Variants in ZNF277 observed in about 807,000 individuals in gnomAD.
ZNF277 encodes nuclear receptor-interacting factor 4.
Under a neutral mutation model 60.7 loss-of-function variants are expected in ZNF277, and 55 were observed. The ratio of observed to expected loss-of-function variants is 0.91; its 90% CI spans 0.73 to 1.13. The LOEUF is 1.13. Ranked by LOEUF, ZNF277 falls within the 50% of genes most tolerant of loss-of-function variation. ZNF277 has a pLI of 0.00. For synonymous variants in ZNF277, 178 were observed against 179.3 expected (o/e 0.99, Z 0.06); for missense variants, 510 against 523.0 (o/e 0.98, Z 0.24).
chr7:112,335,834 GA>G (rs1392431302), intron 7 of ZNF277, among the ~76,000 whole-genome samples: 7 of 152,076 alleles, frequency 4.6e-5, no homozygotes, highest in African/African-American at 1.7e-4. Flanking sequence ...AAAAGAACTT[GA>G]CTGAAAGGAT....
chr7:112,327,774 C>T lies in ZNF277; in HGVS notation c.615C>T (p.Asp205=), dbSNP rs1793132345. The T allele has an allele frequency of 6.2e-7, 1 of 1,612,248 alleles. No homozygotes were observed. Among genetic ancestry groups the T allele is most frequent in the Admixed American group, 1.7e-5 (1 of 59,622 alleles). ...ATGCTTTCAACATTGGATTGCCAGA[C>T]AACATTGTAAACTGCAATGAATTTT... ...REHAFNIGLP[D]NIVNCNEFLC... The change falls in exon 6 of 12, where the codon GAC becomes GAT. Residue 205 remains aspartate, a synonymous_variant. Transcript: ENST00000361822.
At position 112,336,084 on chromosome 7, in the gene ZNF277, C is replaced by T; in HGVS notation, c.802-20C>T. The T allele has an allele frequency of 6.2e-7, 1 of 1,605,114 alleles. No homozygotes were observed. Among genetic ancestry groups the T allele is most frequent in the Admixed American group, 1.7e-5 (1 of 59,214 alleles). The stretch of plus-strand genomic sequence containing the variant: ...TCTCTTTCCCCCAATGTCTCTCATC[C>T]CTCTGTTCTTCCTACAAAGGAACTT... On this transcript the variant is annotated intron_variant, in intron 7 of 11. Coordinates refer to ENST00000361822, the MANE Select transcript of ZNF277 (RefSeq NM_021994.3).
rs1484569736 is a variant in ZNF277, at chr7:112,327,283, T to G, written c.558-434T>G. On this transcript the variant is annotated intron_variant, in intron 5 of 11. Coordinates refer to ENST00000361822, the MANE Select transcript of ZNF277 (RefSeq NM_021994.3). ...AGATTCTCATAAGAAGTACACAACC[T>G]AGATCCCTCGCATGCACAGTTTACA... Among the ~76,000 whole-genome samples the G allele has an allele frequency of 2.0e-5, 3 of 152,212 alleles. No homozygotes were observed. In the East Asian group the frequency reaches 5.8e-4, roughly 29 times the overall value.
intron 4 of ZNF277, among the ~76,000 whole-genome samples, chr7:112,299,615 T>C (rs1030860817): frequency 6.6e-6 from 1 of 152,234 alleles, no homozygotes; most frequent in Admixed American, 6.5e-5. Flanking sequence ...AATTATACTT[T>C]ATCAAACAAT....
intron 1 of ZNF277, among the ~76,000 whole-genome samples, chr7:112,228,997 A>C (rs1465691143): frequency 2.0e-5 from 3 of 152,244 alleles, no homozygotes; most frequent in Non-Finnish European, 4.4e-5. Flanking sequence ...AGCATTATAT[A>C]AATTAAGCAG....
chr7:112,327,715 AG>A lies in ZNF277; in HGVS notation c.558-1del, dbSNP rs1793131190. On this transcript the variant is annotated splice_acceptor_variant, in intron 5 of 11. Transcript: ENST00000361822. LOFTEE classifies it high-confidence loss of function. The stretch of plus-strand genomic sequence containing the variant: ...ATCCTAATTGCTCAAATTTCTTCCT[AG>A]ATCTGTTATTTTGAACCACATGGCC... 2.5e-6 allele frequency: 4 copies of A among 1,609,188 alleles called. No homozygotes were observed. The highest frequency in any genetic ancestry group is 2.7e-5 in the African/African-American group (2 of 74,866).
intron 1 of ZNF277, among the ~76,000 whole-genome samples, chr7:112,265,338 G>T (rs1791526210): frequency 6.6e-6 from 1 of 152,098 alleles, no homozygotes; most frequent in African/African-American, 2.4e-5. Context: ...TCAGGGAATT[G>T]GGAGGAGAAA....
chr7:112,316,794 G>A lies in ZNF277; in HGVS notation c.466-1388G>A, dbSNP rs147245436. Among the ~76,000 whole-genome samples the A allele has an allele frequency of 9.6e-3, 1,456 of 152,060 alleles. 19 individuals carry two copies. Among genetic ancestry groups the A allele is most frequent in the African/African-American group, 0.033 (1,352 of 41,488 alleles). ...AAATACCATTTGACTCAGCGGTCCC[G>A]TTACTGTGTATATACCCAAATGATT... On this transcript the variant is annotated intron_variant, in intron 4 of 11. Transcript: ENST00000361822.
chr7:112,270,543 T>C (rs1001244022), intron 1 of ZNF277, among the ~76,000 whole-genome samples: 1 of 152,154 alleles, frequency 6.6e-6, no homozygotes, highest in African/African-American at 2.4e-5. Context: ...ACAACTTATA[T>C]TGTATTCTGA....
At chr7:112,258,276 T>A (rs1422777397) in intron 1 of ZNF277, among the ~76,000 whole-genome samples, 2 of 152,238 alleles carry the variant, frequency 1.3e-5, no homozygotes, top group East Asian at 3.9e-4. Flanking sequence ...GAAGCCTTTT[T>A]TTTTGCTTTC....
intron 7 of ZNF277, among the ~76,000 whole-genome samples, chr7:112,332,231 A>G: frequency 6.6e-6 from 1 of 152,172 alleles, no homozygotes; most frequent in Non-Finnish European, 1.5e-5. Flanking sequence ...TCTTTTTTTT[A>G]GCTAGCAGCT....
At chr7:112,310,478 A>AGTGT (rs1554493410) in intron 4 of ZNF277, among the ~76,000 whole-genome samples, 54 of 125,386 alleles carry the variant, frequency 4.3e-4, no homozygotes, top group African/African-American at 1.5e-3. Context: ...AGAGAGAGAG[A>AGTGT]GTGTGTGTGT....
intron 1 of ZNF277, among the ~76,000 whole-genome samples, chr7:112,228,523 A>G (rs1412697883): frequency 8.3e-6 from 1 of 121,156 alleles, no homozygotes; most frequent in East Asian, 2.6e-4. Flanking sequence ...GACTTTATGG[A>G]CGTTAGGCCT....
At position 112,336,141 on chromosome 7, in the gene ZNF277, A is replaced by G. The variant is rs1195684225; in HGVS notation, c.839A>G (p.Asp280Gly). 2 of 1,610,952 alleles carry G rather than the reference A, an allele frequency of 1.2e-6. No individual in the cohort carries two copies. The highest frequency in any genetic ancestry group is 1.7e-6 in the Non-Finnish European group (2 of 1,178,364). The change falls in exon 8 of 12, where the codon GAT (aspartate) becomes GGT (glycine). Residue 280 changes from aspartate to glycine, a missense_variant. By Grantham distance (94) the Asp-to-Gly change is moderately conservative. Coordinates refer to ENST00000361822, the MANE Select transcript of ZNF277 (RefSeq NM_021994.3). ...GKSWEEVQLEDDRELLDHQED... is the reference protein window; with the variant it reads ...GKSWEEVQLEGDRELLDHQED... ...TCGTGGGAAGAAGTTCAGTTGGAAG[A>G]TGATCGGGAGTTGCTGGACCATCAG...
chr7:112,284,560 A>G (rs1456676008), intron 1 of ZNF277, among the ~76,000 whole-genome samples: 1 of 152,224 alleles, frequency 6.6e-6, no homozygotes, highest in Non-Finnish European at 1.5e-5. Context: ...GTAGAATTCC[A>G]GAACTCCTTG....
At chr7:112,318,337 A>AC (rs1291116713) in intron 5 of ZNF277, 64 bp downstream of exon 5, 131 of 1,397,822 alleles carry the variant, frequency 9.4e-5, no homozygotes, top group Non-Finnish European at 1.3e-4. Context: ...GAACATCCCT[A>AC]ACTGTTGGTT....
chr7:112,334,219 G>T (rs976786024), intron 7 of ZNF277, among the ~76,000 whole-genome samples: 1 of 151,994 alleles, frequency 6.6e-6, no homozygotes, highest in Non-Finnish European at 1.5e-5. Context: ...TGGGTGAAGG[G>T]GATCTTTTTT....
intron 1 of ZNF277, among the ~76,000 whole-genome samples, chr7:112,244,051 G>T (rs1791023284): frequency 6.6e-6 from 1 of 152,066 alleles, no homozygotes; most frequent in African/African-American, 2.4e-5. Flanking sequence ...CTCAGAAACA[G>T]AAAGTCAAAT....
At chr7:112,233,445 C>T (rs1480913876) in intron 1 of ZNF277, among the ~76,000 whole-genome samples, 1 of 152,164 alleles carries the variant, frequency 6.6e-6, no homozygotes, top group Non-Finnish European at 1.5e-5. Flanking sequence ...TGCTTGATCT[C>T]ATTTTATCAT....
Sources: allele counts gnomAD v4.1 joint callset (sites outside exome capture counted in the v4.1 genomes callset), GRCh38; gene constraint gnomAD v4.1.1; transcripts MANE v1.5; gene names NCBI Gene and HGNC (gene_info 2026-07-23, HGNC 2026-07-21).